The following ZNF385D variants were observed in gnomAD, a reference collection of about 807,000 sequenced individuals.
The protein encoded by ZNF385D is zinc finger protein 385D, also known as zinc finger protein 659.
In ZNF385D, 15 loss-of-function variants were observed where a neutral mutation model predicts 35.8. The ratio of observed to expected loss-of-function variants is 0.42; its 90% CI spans 0.28 to 0.64. ZNF385D has a LOEUF of 0.64. ZNF385D is among the 30% of genes least tolerant of loss of function. The probability of loss-of-function intolerance (pLI) is 0.23; values close to 1 mark genes in which losing one functional copy is unlikely to be tolerated. For synonymous variants in ZNF385D, 212 were observed against 186.8 expected, an observed-to-expected ratio of 1.13 and a Z score of -1.10; for missense variants, 474 against 494.6, an observed-to-expected ratio of 0.96 and a Z score of 0.39.
At chr3:21,573,337 G>A (rs541649191) in intron 2 of ZNF385D, among the ~76,000 whole-genome samples, 2 of 152,090 alleles carry the variant, frequency 1.3e-5, no homozygotes, top group African/African-American at 4.8e-5. Flanking sequence ...TGGTTAAAGT[G>A]AAAATAAAAT....
At chr3:22,049,400 C>A (rs1056179231) in intron 3 of ZNF385D, among the ~76,000 whole-genome samples, 27 of 151,856 alleles carry the variant, frequency 1.8e-4, no homozygotes, top group African/African-American at 6.5e-4. Context: ...TTTATTAGTT[C>A]TAATAGGGTG....
intron 2 of ZNF385D, among the ~76,000 whole-genome samples, chr3:22,273,066 G>C (rs899783479): frequency 1.3e-5 from 2 of 151,592 alleles, no homozygotes; most frequent in Non-Finnish European, 2.9e-5. Context: ...CAAGGAAAGA[G>C]AGAAAGAGAG....
chr3:21,610,851 G>C (rs1165148088), intron 2 of ZNF385D, among the ~76,000 whole-genome samples: 1 of 152,066 alleles, frequency 6.6e-6, no homozygotes, highest in East Asian at 1.9e-4. Context: ...AGCTTAGCTA[G>C]GTCCTCTGGA....
At chr3:21,907,995 A>G (rs926541727) in intron 3 of ZNF385D, among the ~76,000 whole-genome samples, 4 of 152,152 alleles carry the variant, frequency 2.6e-5, no homozygotes, top group Admixed American at 2.6e-4. Context: ...AAAGGCTGAA[A>G]CATTTAAAGA....
intron 3 of ZNF385D, among the ~76,000 whole-genome samples, chr3:21,919,193 T>A (rs1473245241): frequency 1.3e-5 from 2 of 152,212 alleles, no homozygotes; most frequent in Non-Finnish European, 2.9e-5. Flanking sequence ...ATCCATTCAT[T>A]CATCCATTCA....
chr3:21,957,211 C>T (rs1372710866), intron 3 of ZNF385D: 1 of 152,952 alleles, frequency 6.5e-6, no homozygotes, highest in African/African-American at 2.4e-5. Flanking sequence ...AATTAAACTT[C>T]TTTCTTTTGT....
At chr3:22,082,551 G>C (rs1039085939) in intron 3 of ZNF385D, among the ~76,000 whole-genome samples, 1 of 152,160 alleles carries the variant, frequency 6.6e-6, no homozygotes, top group Non-Finnish European at 1.5e-5. Flanking sequence ...TGGTTGGGAA[G>C]CTCTAACTGG....
At chr3:21,640,183 T>G (rs1359809237) in intron 2 of ZNF385D, among the ~76,000 whole-genome samples, 2 of 151,910 alleles carry the variant, frequency 1.3e-5, no homozygotes, top group African/African-American at 4.8e-5. Context: ...CTAGAACTGG[T>G]CCTCTCAAGC....
chr3:22,366,146 GTA>G (rs965838172), intron 2 of ZNF385D, among the ~76,000 whole-genome samples: 8 of 152,018 alleles, frequency 5.3e-5, no homozygotes, highest in African/African-American at 1.9e-4. Context: ...TCCTGGCTGT[GTA>G]TATATTCTTT....
At chr3:22,261,965 G>T (rs765620373) in intron 2 of ZNF385D, among the ~76,000 whole-genome samples, 1 of 151,848 alleles carries the variant, frequency 6.6e-6, no homozygotes, top group Non-Finnish European at 1.5e-5. Flanking sequence ...ATTTGAGTGT[G>T]CCACCTGCTT....
chr3:22,219,861 A>C (rs2638136), intron 2 of ZNF385D, among the ~76,000 whole-genome samples: 2 of 151,780 alleles, frequency 1.3e-5, no homozygotes, highest in Admixed American at 6.6e-5. Flanking sequence ...AGACTTTTAG[A>C]TCTTGGAATT....
At chr3:21,496,944 A>AGG (rs1705943395) in intron 4 of ZNF385D, among the ~76,000 whole-genome samples, 2 of 152,150 alleles carry the variant, frequency 1.3e-5, no homozygotes, top group Non-Finnish European at 2.9e-5. Flanking sequence ...ACCCAACATC[A>AGG]TACTGAATGG....
At chr3:21,835,563 T>C (rs1695280900) in intron 3 of ZNF385D, among the ~76,000 whole-genome samples, 1 of 150,838 alleles carries the variant, frequency 6.6e-6, no homozygotes. Context: ...TCACTAAGGA[T>C]AAAGGCACAA....
intron 3 of ZNF385D, among the ~76,000 whole-genome samples, chr3:21,767,562 T>C (rs1161012416): frequency 6.6e-6 from 1 of 151,912 alleles, no homozygotes; most frequent in African/African-American, 2.4e-5. Flanking sequence ...CACCACTACA[T>C]CTCCAGGATC....
At chr3:22,137,259 C>G (rs989557507) in intron 3 of ZNF385D, among the ~76,000 whole-genome samples, 1 of 152,130 alleles carries the variant, frequency 6.6e-6, no homozygotes, top group African/African-American at 2.4e-5. Context: ...GGAGCTGGTA[C>G]CATTCATTCT....
At chr3:21,728,352 G>C (rs2068854566) in intron 1 of ZNF385D, among the ~76,000 whole-genome samples, 1 of 151,552 alleles carries the variant, frequency 6.6e-6, no homozygotes, top group African/African-American at 2.4e-5. Context: ...AAATATGGTG[G>C]CATTTTATCT....
At chr3:22,244,367 A>AAAAAAAAAAAAAAAAAAAAAAT (rs1699660831) in intron 2 of ZNF385D, among the ~76,000 whole-genome samples, 1 of 47,402 alleles carries the variant, frequency 2.1e-5, no homozygotes, top group Non-Finnish European at 3.7e-5. Context: ...CCGAATGTAA[A>AAAAAAAAAAAAAAAAAAAAAAT]AAAAAAAAAA....
chr3:22,309,038 A>G (rs1703392086), intron 2 of ZNF385D, among the ~76,000 whole-genome samples: 2 of 152,214 alleles, frequency 1.3e-5, no homozygotes, highest in East Asian at 1.9e-4. Flanking sequence ...TTGTATGAAA[A>G]TACTGCCAGA....
At chr3:21,657,508 A>G (rs1371018936) in intron 2 of ZNF385D, among the ~76,000 whole-genome samples, 2 of 152,010 alleles carry the variant, frequency 1.3e-5, no homozygotes, top group African/African-American at 2.4e-5. Flanking sequence ...AGAAGACTTC[A>G]TAAGCAGCTG....
Sources: allele counts gnomAD v4.1 joint callset (sites outside exome capture counted in the v4.1 genomes callset), GRCh38; gene constraint gnomAD v4.1.1; transcripts MANE v1.5; gene names NCBI Gene and HGNC (gene_info 2026-07-23, HGNC 2026-07-21).